The following DMTF1 variants were observed in gnomAD, a reference collection of about 807,000 sequenced individuals.
DMTF1 encodes the protein cyclin D binding myb like transcription factor 1.
Under a neutral mutation model 91.1 loss-of-function variants are expected in DMTF1, and 39 were observed. The ratio of observed to expected loss-of-function variants is 0.43; its 90% confidence interval spans 0.33 to 0.56. The LOEUF is 0.56. Ranked by LOEUF, DMTF1 falls within the 20% of genes least tolerant of loss-of-function variation. The pLI is 0.05. For synonymous variants in DMTF1, 338 were observed against 309.5 expected, an observed-to-expected ratio of 1.09 and a Z score of -0.97; for missense variants, 750 against 914.5, an observed-to-expected ratio of 0.82 and a Z score of 2.32.
At chr7:87,166,360 A>T in intron 3 of DMTF1, 123 bp from the exon 4 acceptor site, 2 of 908,134 alleles carry the variant, frequency 2.2e-6, no homozygotes, top group East Asian at 2.6e-5. Context: ...AACTAGGTTT[A>T]GTTAAATGAG....
At chr7:87,191,161 C>CT in intron 14 of DMTF1, 134 bp downstream of exon 14, 2 of 576,742 alleles carry the variant, frequency 3.5e-6, no homozygotes, top group Non-Finnish European at 6.0e-6. Flanking sequence ...CAGACTTCTA[C>CT]TTTTATAATT....
Position 87,196,149 on chromosome 7 carries a change from G to GA in DMTF1, c.*1018dup, listed in dbSNP as rs879624680. On this transcript the variant is annotated 3_prime_UTR_variant, in exon 18 of 18. Coordinates refer to ENST00000331242, the MANE Select transcript of DMTF1 (RefSeq NM_001142327.2). ...AATATGACCCCTATAGAAAAGTCAA[G>GA]AAAAAAAAACCCTTGTATAAATTAT... 52 of 151,284 alleles carry GA rather than the reference G, an allele frequency of 3.4e-4. No homozygotes were observed. Among genetic ancestry groups the GA allele is most frequent in the South Asian group, 8.3e-4 (4 of 4,806 alleles). 9.4% of individuals were successfully genotyped at this position (151,284 alleles called of 1,614,324 possible). A position where few individuals can be genotyped will look rare whatever the true frequency, so the allele number is the denominator to read the frequency against.
At chr7:87,191,139 G>T in intron 14 of DMTF1, 112 bp downstream of exon 14, 3 of 677,808 alleles carry the variant, frequency 4.4e-6, no homozygotes, top group South Asian at 2.0e-5. Context: ...CCAAATGAAT[G>T]GTAGACTAAA....
At chr7:87,192,726 A>G (rs927352819) in intron 14 of DMTF1, 1 of 152,552 alleles carries the variant, frequency 6.6e-6, no homozygotes, top group African/African-American at 2.4e-5. Flanking sequence ...TTTTTCAGAT[A>G]AACATCTTTC....
Position 87,171,199 on chromosome 7 carries a change from T to G in DMTF1, c.327+110T>G, listed in dbSNP as rs1794993378. The G allele has an allele frequency of 4.4e-6, 3 of 679,482 alleles. No individual in the cohort carries two copies. In the African/African-American group the frequency reaches 5.5e-5, roughly 12 times the overall value. The allele number at this position is 679,482 out of a possible 1,614,324, so 42.1% of individuals were successfully genotyped here. A position where few individuals can be genotyped will look rare whatever the true frequency, so the allele number is the denominator to read the frequency against. On this transcript the variant is annotated intron_variant, in intron 5 of 17. Transcript: ENST00000331242. ...CCAAGTAGCGAGGACTACTGGCACA[T>G]GCCACTGTGCCCAGGTTTAGCCCTT...
Position 87,164,938 on chromosome 7 carries a change from G to T in DMTF1, c.-4G>T. ...CTGGAATCTGTTCTTGTACAGATTT[G>T]AGTATGAGCACAGTGGAAGAGGATT... On this transcript the variant is annotated 5_prime_UTR_variant, in exon 3 of 18. Transcript: ENST00000331242. 1 of 1,593,344 alleles carries T rather than the reference G, an allele frequency of 6.3e-7. No homozygotes were observed. The highest frequency in any genetic ancestry group is 8.6e-7 in the Non-Finnish European group (1 of 1,167,188).
intron 7 of DMTF1, among the ~76,000 whole-genome samples, chr7:87,176,737 A>G (rs1380420244): frequency 6.6e-6 from 1 of 152,208 alleles, no homozygotes; most frequent in Non-Finnish European, 1.5e-5. Flanking sequence ...GAAATGTCCA[A>G]AAGATTATTT....
chr7:87,192,494 C>A (rs896350854), intron 14 of DMTF1: 1 of 152,042 alleles, frequency 6.6e-6, no homozygotes, highest in Non-Finnish European at 1.5e-5. Context: ...ATTTAGTACC[C>A]AGGAGAGTTG....
chr7:87,173,152 C>T (rs1183691981), intron 5 of DMTF1, among the ~76,000 whole-genome samples: 1 of 152,098 alleles, frequency 6.6e-6, no homozygotes, highest in Non-Finnish European at 1.5e-5. Context: ...CAGATAATAA[C>T]TGTATATTGT....
intron 1 of DMTF1, chr7:87,162,683 T>C (rs1792773963): frequency 6.6e-6 from 1 of 152,162 alleles, no homozygotes; most frequent in Non-Finnish European, 1.5e-5. Flanking sequence ...TCTAATAGCT[T>C]AATGGTTCTC....
In DMTF1 at chr7:87,194,060, A is replaced by G. The variant is rs1165241996; in HGVS notation, c.1986A>G (p.Gln662=). 3.7e-6 allele frequency: 6 copies of G among 1,610,340 alleles called. No individual in the cohort carries two copies. The highest frequency in any genetic ancestry group is 5.1e-6 in the Non-Finnish European group (6 of 1,178,370). ...AAATCTCTGACACCGACCTTAAACAAGAGGAATCACCCTCTGATTTAGCCA... is the reference window on the plus strand; with the variant it reads ...AAATCTCTGACACCGACCTTAAACAGGAGGAATCACCCTCTGATTTAGCCA... The part of the protein sequence containing the change: ...EEEISDTDLK[Q]EESPSDLASA... Residue 662 remains glutamine, a synonymous_variant, in exon 16 of 18, where the codon CAA becomes CAG. Transcript: ENST00000331242.
chr7:87,188,344 T>G (rs751037083), intron 13 of DMTF1, 43 bp downstream of exon 13: 1 of 1,603,238 alleles, frequency 6.2e-7, no homozygotes, highest in South Asian at 1.1e-5. Flanking sequence ...TTGATCTATA[T>G]GATTTGGTTA....
intron 16 of DMTF1, chr7:87,194,303 A>G (rs11971131): frequency 5.2e-6 from 3 of 574,838 alleles, no homozygotes; most frequent in South Asian, 5.5e-5. Context: ...GTTCTATCTT[A>G]CCACAGTTCC....
At chr7:87,191,054 C>A in intron 14 of DMTF1, 27 bp downstream of exon 14, 1 of 1,400,758 alleles carries the variant, frequency 7.1e-7, no homozygotes, top group Non-Finnish European at 1.0e-6. Context: ...ATATATTGGC[C>A]ATTTTTATGC....
chr7:87,161,698 T>C (rs1381007153), intron 1 of DMTF1, among the ~76,000 whole-genome samples: 3 of 152,236 alleles, frequency 2.0e-5, no homozygotes, highest in African/African-American at 4.8e-5. Flanking sequence ...GGATTCCTGT[T>C]CTTTTTCTCA....
intron 1 of DMTF1, among the ~76,000 whole-genome samples, chr7:87,158,564 A>G (rs1008087614): frequency 6.6e-6 from 1 of 152,088 alleles, no homozygotes; most frequent in Non-Finnish European, 1.5e-5. Context: ...TTAGAAAGCC[A>G]TAATTCTTGA....
intron 12 of DMTF1, 49 bp from the exon 13 acceptor site, chr7:87,188,043 T>C: frequency 6.7e-7 from 1 of 1,490,076 alleles, no homozygotes; most frequent in Non-Finnish European, 9.4e-7. Context: ...GCTTAGATGG[T>C]GGTCTGTCGG....
chr7:87,181,333 G>A lies in DMTF1; in HGVS notation c.702G>A (p.Lys234=). The A allele has an allele frequency of 7.8e-7, 1 of 1,284,630 alleles. No homozygotes were observed. Among genetic ancestry groups the A allele is most frequent in the Non-Finnish European group, 1.1e-6 (1 of 907,252 alleles). 79.6% of individuals were successfully genotyped at this position (1,284,630 alleles called of 1,614,324 possible). ...GATATACACCTGAAGAAATTGAGAAGCTCAAGGAGTAAGTTTTAAAGTTTT... is the reference window on the plus strand; with the variant it reads ...GATATACACCTGAAGAAATTGAGAAACTCAAGGAGTAAGTTTTAAAGTTTT... ...VGKYTPEEIE[K]LKELRIKHGN... The change falls in exon 9 of 18, where the codon AAG becomes AAA. Residue 234 remains lysine, a synonymous_variant. Coordinates refer to ENST00000331242, the MANE Select transcript of DMTF1 (RefSeq NM_001142327.2).
intron 1 of DMTF1, among the ~76,000 whole-genome samples, chr7:87,158,353 A>C (rs1791338290): frequency 6.6e-6 from 1 of 152,072 alleles, no homozygotes; most frequent in South Asian, 2.1e-4. Context: ...TTGTCTGAAA[A>C]AATGCTTCTA....
Sources: allele counts gnomAD v4.1 joint callset (sites outside exome capture counted in the v4.1 genomes callset), GRCh38; gene constraint gnomAD v4.1.1; transcripts MANE v1.5; gene names NCBI Gene and HGNC (gene_info 2026-07-23, HGNC 2026-07-21).